Variants in CAMK1D observed in about 807,000 individuals in gnomAD.
CAMK1D encodes calcium/calmodulin-dependent protein kinase type 1D.
CAMK1D carries 9 observed loss-of-function variants against 47.7 expected under a neutral mutation model. That is an observed-to-expected ratio of 0.19 (90% confidence interval 0.11 to 0.33). CAMK1D has a LOEUF of 0.33. Among genes scored for constraint, CAMK1D ranks in the 10% least tolerant of loss-of-function variants. The pLI is 1.00. For missense variants in CAMK1D, 291 were observed against 488.7 expected (o/e 0.60, Z 3.81); for synonymous variants, 184 against 184.9 (o/e 0.99, Z 0.04).
chr10:12,697,402 TA>T (rs1271731516), intron 3 of CAMK1D, among the ~76,000 whole-genome samples: 10 of 152,130 alleles, frequency 6.6e-5, no homozygotes, highest in South Asian at 2.1e-4. Flanking sequence ...AGAATGCAAA[TA>T]TTTTTTTCCT....
At position 12,829,934 on chromosome 10, in the gene CAMK1D, A is replaced by C. The variant is rs1407115448; in HGVS notation, c.*1047A>C. Reference sequence around the variant, plus strand: ...GCTGGCAACCCATCCAGCAGAACCCACACCCACCAGAGACCCTAGAGGCCT... The same window carrying C: ...GCTGGCAACCCATCCAGCAGAACCCCCACCCACCAGAGACCCTAGAGGCCT... On this transcript the variant is annotated 3_prime_UTR_variant, in exon 11 of 11. Coordinates refer to ENST00000619168, the MANE Select transcript of CAMK1D (RefSeq NM_153498.4). 6.6e-6 allele frequency: 1 copy of C among 152,118 alleles called. No homozygotes were observed. Among genetic ancestry groups the C allele is most frequent in the Non-Finnish European group, 1.5e-5 (1 of 68,120 alleles). 9.4% of individuals were successfully genotyped at this position (152,118 alleles called of 1,614,324 possible).
intron 1 of CAMK1D, among the ~76,000 whole-genome samples, chr10:12,402,080 A>AT (rs1027733977): frequency 3.3e-5 from 5 of 149,948 alleles, no homozygotes; most frequent in African/African-American, 7.4e-5. Flanking sequence ...ATATATATAT[A>AT]TTTTTTTGAG....
At chr10:12,734,381 T>TAA in intron 3 of CAMK1D, among the ~76,000 whole-genome samples, 1 of 2,156 alleles carries the variant, frequency 4.6e-4, no homozygotes, top group Non-Finnish European at 2.8e-3. Context: ...TATATATAGA[T>TAA]ATAGATATAG....
At chr10:12,552,700 G>A (rs1429189189) in intron 1 of CAMK1D, among the ~76,000 whole-genome samples, 3 of 152,188 alleles carry the variant, frequency 2.0e-5, no homozygotes, top group African/African-American at 7.2e-5. Flanking sequence ...CCCTTTGCAG[G>A]AAGGCCTGCT....
At chr10:12,363,090 G>A (rs1212272586) in intron 1 of CAMK1D, among the ~76,000 whole-genome samples, 1 of 151,564 alleles carries the variant, frequency 6.6e-6, no homozygotes, top group East Asian at 1.9e-4. Flanking sequence ...ACTGGTGCAC[G>A]CCAGCACACC....
At chr10:12,796,684 T>C (rs1204585200) in intron 6 of CAMK1D, among the ~76,000 whole-genome samples, 1 of 152,134 alleles carries the variant, frequency 6.6e-6, no homozygotes, top group Admixed American at 6.5e-5. Context: ...GTGCTGACTT[T>C]AATAGGGACT....
intron 3 of CAMK1D, among the ~76,000 whole-genome samples, chr10:12,754,604 T>C (rs1394570553): frequency 6.6e-6 from 1 of 152,208 alleles, no homozygotes; most frequent in Non-Finnish European, 1.5e-5. Flanking sequence ...TACCACAGAC[T>C]GGGTGGCTTA....
At chr10:12,400,354 C>T (rs1011261118) in intron 1 of CAMK1D, among the ~76,000 whole-genome samples, 6 of 152,134 alleles carry the variant, frequency 3.9e-5, no homozygotes, top group South Asian at 4.1e-4. Flanking sequence ...CTTCTTGCTG[C>T]GTACCTAAAG....
At chr10:12,730,725 G>T (rs1427794488) in intron 3 of CAMK1D, among the ~76,000 whole-genome samples, 1 of 152,174 alleles carries the variant, frequency 6.6e-6, no homozygotes, top group Non-Finnish European at 1.5e-5. Flanking sequence ...TACCTTGGAA[G>T]GTAAGTCGAG....
At chr10:12,577,307 T>C (rs1837520727) in intron 2 of CAMK1D, among the ~76,000 whole-genome samples, 1 of 152,206 alleles carries the variant, frequency 6.6e-6, no homozygotes, top group Non-Finnish European at 1.5e-5. Flanking sequence ...CACTAGGAAC[T>C]ATGCCTCCAG....
At chr10:12,627,404 A>G (rs1839252497) in intron 2 of CAMK1D, among the ~76,000 whole-genome samples, 1 of 152,136 alleles carries the variant, frequency 6.6e-6, no homozygotes, top group Non-Finnish European at 1.5e-5. Context: ...TAATTTATAT[A>G]TAATAAAATA....
rs61847362 is a variant in CAMK1D at position 12,695,066 on chromosome 10, A to T, written c.299+28256A>T. Among the ~76,000 whole-genome samples, 662 of 139,616 alleles carry T rather than the reference A, an allele frequency of 4.7e-3. 4 individuals carry two copies. The highest frequency in any genetic ancestry group is 7.5e-3 in the Non-Finnish European group (460 of 61,350). 91.6% of individuals were successfully genotyped at this position (139,616 alleles called of 152,430 possible). A position where few individuals can be genotyped will look rare whatever the true frequency, so the allele number is the denominator to read the frequency against. ...TAGATAGATAGATAGATAGATAGATACATAGGTAGATACATAGATACATAG... is the reference window on the plus strand; with the variant it reads ...TAGATAGATAGATAGATAGATAGATTCATAGGTAGATACATAGATACATAG... On this transcript the variant is annotated intron_variant, in intron 3 of 10. Transcript: ENST00000619168.
chr10:12,666,670 GTC>G, intron 2 of CAMK1D, 64 bp from the exon 3 acceptor site: 2 of 1,277,812 alleles, frequency 1.6e-6, no homozygotes, highest in South Asian at 2.5e-5. Context: ...CTACAATGCT[GTC>G]TGTTTTGAAA....
intron 1 of CAMK1D, among the ~76,000 whole-genome samples, chr10:12,404,688 G>GT (rs1463585565): frequency 1.2e-4 from 18 of 148,014 alleles, no homozygotes; most frequent in South Asian, 4.3e-4. Flanking sequence ...AGAAAACTGT[G>GT]TTTTTAAAAA....
At chr10:12,693,925 T>C (rs1380635147) in intron 3 of CAMK1D, among the ~76,000 whole-genome samples, 3 of 99,466 alleles carry the variant, frequency 3.0e-5, no homozygotes, top group Non-Finnish European at 5.6e-5. Context: ...TATAAAAATA[T>C]ATATAACATA....
At chr10:12,811,288 G>A (rs570111591) in intron 6 of CAMK1D, among the ~76,000 whole-genome samples, 2 of 152,276 alleles carry the variant, frequency 1.3e-5, no homozygotes, top group African/African-American at 4.8e-5. Flanking sequence ...GTGAATGGGC[G>A]GCCCCATGGT....
At chr10:12,532,615 C>T (rs1273326693) in intron 1 of CAMK1D, among the ~76,000 whole-genome samples, 1 of 152,168 alleles carries the variant, frequency 6.6e-6, no homozygotes, top group Non-Finnish European at 1.5e-5. Flanking sequence ...TTCTGGAAAT[C>T]AGTGTATCAA....
At position 12,787,682 on chromosome 10, in the gene CAMK1D, C is replaced by T. The variant is rs920086745; in HGVS notation, c.566-3476C>T. 2.6e-4 allele frequency among the ~76,000 whole-genome samples: 40 copies of T among 152,200 alleles called. 1 individual carries two copies. The highest frequency in any genetic ancestry group is 9.2e-4 in the African/African-American group (38 of 41,438). On this transcript the variant is annotated intron_variant, in intron 5 of 10. Transcript: ENST00000619168. Reference sequence around the variant, plus strand: ...TGCTTTGGGCTTCTTTCTTTACCCCCGCGTTTGTTTCCAAGCACAATTAAG... The same window carrying T: ...TGCTTTGGGCTTCTTTCTTTACCCCTGCGTTTGTTTCCAAGCACAATTAAG...
At chr10:12,488,451 C>T (rs1392113168) in intron 1 of CAMK1D, among the ~76,000 whole-genome samples, 3 of 152,130 alleles carry the variant, frequency 2.0e-5, no homozygotes, top group Non-Finnish European at 4.4e-5. Flanking sequence ...TACAGACTGT[C>T]TCCCTCAGTG....
Sources: allele counts gnomAD v4.1 joint callset (sites outside exome capture counted in the v4.1 genomes callset), GRCh38; gene constraint gnomAD v4.1.1; transcripts MANE v1.5; gene names NCBI Gene and HGNC (gene_info 2026-07-23, HGNC 2026-07-21).